Variants in MTUS2 observed in about 807,000 individuals in gnomAD.
MTUS2 encodes the protein microtubule-associated tumor suppressor candidate 2.
Under a neutral mutation model 114.1 loss-of-function variants are expected in MTUS2, and 40 were observed. The ratio of observed to expected loss-of-function variants is 0.35; its 90% CI spans 0.27 to 0.46. The LOEUF (loss-of-function observed/expected upper bound fraction) is 0.46. MTUS2 is among the 20% of genes least tolerant of loss of function. The pLI is 1.00. For missense variants in MTUS2, 1,679 were observed against 1,705.4 expected (o/e 0.98, Z 0.27); for synonymous variants, 688 against 672.0 (o/e 1.02, Z -0.37).
intron 2 of MTUS2, among the ~76,000 whole-genome samples, chr13:28,925,696 C>T (rs1349544077): frequency 6.6e-6 from 1 of 152,178 alleles, no homozygotes; most frequent in Non-Finnish European, 1.5e-5. Context: ...GTTAACTCAC[C>T]TCTGGTGTCT....
chr13:29,288,057 C>T (rs940584717), intron 6 of MTUS2, among the ~76,000 whole-genome samples: 2 of 152,138 alleles, frequency 1.3e-5, no homozygotes, highest in African/African-American at 2.4e-5. Context: ...AAAAGGAGGA[C>T]AAGTGTAGAG....
intron 9 of MTUS2, among the ~76,000 whole-genome samples, chr13:29,448,820 C>T (rs1331428004): frequency 7.0e-6 from 1 of 143,560 alleles, no homozygotes; most frequent in African/African-American, 2.6e-5. Flanking sequence ...GTGGTGTGAC[C>T]TCGGCTCACT....
chr13:29,246,524 A>C (rs1896931735), intron 5 of MTUS2, among the ~76,000 whole-genome samples: 1 of 152,208 alleles, frequency 6.6e-6, no homozygotes, highest in African/African-American at 2.4e-5. Context: ...CTTATTAATG[A>C]AGGTTCTTAA....
chr13:28,893,236 C>T (rs763955326), intron 2 of MTUS2, among the ~76,000 whole-genome samples: 7 of 152,106 alleles, frequency 4.6e-5, no homozygotes, highest in African/African-American at 9.7e-5. Flanking sequence ...ACAGAAAAAC[C>T]AGCTTGAAAA....
At chr13:29,274,897 AT>A (rs947858101) in intron 5 of MTUS2, among the ~76,000 whole-genome samples, 2 of 151,264 alleles carry the variant, frequency 1.3e-5, no homozygotes, top group East Asian at 1.9e-4. Context: ...GCCCCAGCTA[AT>A]TTTTTTTTAA....
rs57964712 is a variant in MTUS2 at position 29,203,560 on chromosome 13, G to GAAA, written c.2645-78126_2645-78124dup. On this transcript the variant is annotated intron_variant, in intron 5 of 15. Coordinates refer to ENST00000612955, the MANE Select transcript of MTUS2 (RefSeq NM_001033602.4). ...GATGTTCCAATTACCACTGGGGTAT[G>GAAA]AAAAAAAAAAAAAAAAAAAACTCCT... 1.5e-3 allele frequency among the ~76,000 whole-genome samples: 179 copies of GAAA among 116,116 alleles called. 1 individual carries two copies. Among genetic ancestry groups the GAAA allele is most frequent in the African/African-American group, 5.3e-3 (160 of 30,416 alleles). The allele number at this position is 116,116 out of a possible 152,430, so 76.2% of individuals were successfully genotyped here.
At chr13:29,258,859 C>A (rs1897367555) in intron 5 of MTUS2, among the ~76,000 whole-genome samples, 1 of 152,176 alleles carries the variant, frequency 6.6e-6, no homozygotes, top group Admixed American at 6.5e-5. Context: ...TTCAGGTTAT[C>A]ACCCCACTGA....
At chr13:29,071,259 C>CA (rs1888911606) in intron 4 of MTUS2, among the ~76,000 whole-genome samples, 2 of 151,540 alleles carry the variant, frequency 1.3e-5, no homozygotes, top group Admixed American at 1.3e-4. Flanking sequence ...CTCAGCCTCC[C>CA]AAAGTGCTGG....
chr13:29,451,894 T>G (rs1878709316), intron 9 of MTUS2, among the ~76,000 whole-genome samples: 1 of 152,146 alleles, frequency 6.6e-6, no homozygotes, highest in Admixed American at 6.5e-5. Context: ...CAGACTACTG[T>G]CAGAAATTTG....
intron 7 of MTUS2, among the ~76,000 whole-genome samples, chr13:29,326,490 C>G (rs1900520566): frequency 6.6e-6 from 1 of 151,466 alleles, no homozygotes; most frequent in Non-Finnish European, 1.5e-5. Flanking sequence ...ATATATTGTT[C>G]TGAACCCTAG....
chr13:29,503,905 A>G lies in MTUS2; in HGVS notation c.*699A>G, dbSNP rs1883073293. On this transcript the variant is annotated 3_prime_UTR_variant, in exon 16 of 16. Coordinates refer to ENST00000612955, the MANE Select transcript of MTUS2 (RefSeq NM_001033602.4). ...ACTATTATTCCATTCGCAAGTTTTA[A>G]TTATTGATACTCCTGTCATGAGCGG... The G allele has an allele frequency of 8.6e-6, 2 of 231,846 alleles. No homozygotes were observed. Among genetic ancestry groups the G allele is most frequent in the Non-Finnish European group, 1.7e-5 (2 of 117,004 alleles). The allele number at this position is 231,846 out of a possible 1,614,324, so 14.4% of individuals were successfully genotyped here.
At chr13:29,308,140 G>A (rs2992392) in intron 6 of MTUS2, among the ~76,000 whole-genome samples, 135,819 of 152,268 alleles carry the variant, frequency 0.89, 61,139 homozygotes, top group East Asian at 0.98. Flanking sequence ...GCATCAAGCT[G>A]CCCGACTTCA....
chr13:29,209,303 T>G (rs1385540305), intron 5 of MTUS2, among the ~76,000 whole-genome samples: 2 of 152,184 alleles, frequency 1.3e-5, no homozygotes, highest in African/African-American at 4.8e-5. Flanking sequence ...TACCTTAAGT[T>G]GATTTGAGTT....
chr13:29,258,735 G>C (rs527350280), intron 5 of MTUS2, among the ~76,000 whole-genome samples: 1 of 152,262 alleles, frequency 6.6e-6, no homozygotes, highest in East Asian at 1.9e-4. Flanking sequence ...AAATATTTTA[G>C]GAAACAATTT....
chr13:29,210,011 C>T (rs1895359621), intron 5 of MTUS2, among the ~76,000 whole-genome samples: 1 of 152,128 alleles, frequency 6.6e-6, no homozygotes, highest in Non-Finnish European at 1.5e-5. Context: ...TTGATTATTC[C>T]CTCAAATGTG....
intron 9 of MTUS2, among the ~76,000 whole-genome samples, chr13:29,453,148 T>C (rs1041208706): frequency 6.6e-6 from 1 of 152,192 alleles, no homozygotes; most frequent in African/African-American, 2.4e-5. Flanking sequence ...AAGATCTAAA[T>C]TGGTGTCTGA....
Position 28,895,020 on chromosome 13 carries a change from C to T in MTUS2, c.-243+55170C>T, listed in dbSNP as rs570960259. On this transcript the variant is annotated intron_variant, in intron 2 of 15. Transcript: ENST00000612955. ...AGAAAAAGGATTAAAGAATGTATTT[C>T]GAAGATCTCGAAATCCATCTGTCAG... Among the ~76,000 whole-genome samples the T allele has an allele frequency of 5.9e-5, 9 of 152,258 alleles. No individual in the cohort carries two copies. The South Asian group carries it at 1.4e-3, about 25-fold the overall frequency.
Position 29,026,436 on chromosome 13 carries a change from T to C in MTUS2, c.1738T>C (p.Leu580=). ...TCCACCCCCTACTGATAGTGCACGC[T>C]TGTTGAACACGTCCCCCAAAGTGCC... ...VVPPPTDSAR[L]LNTSPKVPDK... Residue 580 remains leucine (L), a synonymous_variant, in exon 3 of 16, where the codon TTG becomes CTG. Transcript: ENST00000612955. 1 of 1,613,962 alleles carries C rather than the reference T, an allele frequency of 6.2e-7. No individual in the cohort carries two copies. Among genetic ancestry groups the C allele is most frequent in the East Asian group, 2.2e-5 (1 of 44,880 alleles).
intron 8 of MTUS2, among the ~76,000 whole-genome samples, chr13:29,439,413 CT>C: frequency 6.6e-6 from 1 of 152,258 alleles, no homozygotes; most frequent in East Asian, 1.9e-4. Flanking sequence ...TCTATTGATG[CT>C]GACAGTGGAA....
Sources: gnomAD v4.1 joint callset for allele counts (sites outside exome capture counted in the v4.1 genomes callset) on GRCh38, gnomAD v4.1.1 for gene constraint, MANE v1.5 for transcripts, NCBI Gene and HGNC (gene_info 2026-07-23, HGNC 2026-07-21) for gene names.